CSNK1G2: variants seen among roughly 807,000 people sequenced by gnomAD.
CSNK1G2 encodes the protein casein kinase I isoform gamma-2.
Under a neutral mutation model 48.0 loss-of-function variants are expected in CSNK1G2, and 11 were observed. The ratio of observed to expected loss-of-function variants is 0.23; its 90% CI spans 0.14 to 0.38. CSNK1G2 has a LOEUF of 0.38. Among genes scored for constraint, CSNK1G2 ranks in the 10% least tolerant of loss-of-function variants. The probability of loss-of-function intolerance (pLI) is 1.00; values close to 1 mark genes in which losing one functional copy is unlikely to be tolerated. For synonymous variants in CSNK1G2, 337 were observed against 254.1 expected (o/e 1.33, Z -3.10); for missense variants, 446 against 595.5 (o/e 0.75, Z 2.61).
chr19:1,952,479 T>A (rs1043639481), intron 1 of CSNK1G2: 1 of 152,354 alleles, frequency 6.6e-6, no homozygotes, highest in African/African-American at 2.4e-5. Flanking sequence ...TCCGCCACCA[T>A]GCCCGGATAA....
intron 1 of CSNK1G2, among the ~76,000 whole-genome samples, chr19:1,966,185 A>G (rs1429139867): frequency 6.6e-6 from 1 of 152,122 alleles, no homozygotes; most frequent in East Asian, 1.9e-4. Context: ...GGAGCTGGGG[A>G]AATTGGGTAA....
At position 1,979,025 on chromosome 19, in the gene CSNK1G2, C is replaced by T. The variant is rs763492411; in HGVS notation, c.614C>T (p.Pro205Leu). The T allele has an allele frequency of 3.8e-6, 6 of 1,598,312 alleles. No homozygotes were observed. Among genetic ancestry groups the T allele is most frequent in the South Asian group, 1.1e-5 (1 of 91,066 alleles). The change falls in exon 6 of 12, where the codon CCG becomes CTG. Residue 205 changes from proline (P) to leucine (L), a missense_variant. Physicochemically the swap from Pro to Leu is moderately conservative, Grantham distance 98. This residue lies in a region of CSNK1G2 where 258 missense variants were observed against 415.9 expected (regional missense o/e 0.62). Coordinates refer to ENST00000255641, the MANE Select transcript of CSNK1G2 (RefSeq NM_001319.7). Reference protein sequence around the residue: ...YIDPETKKHIPYREHKSLTGT... With the variant: ...YIDPETKKHILYREHKSLTGT... ...GACCCCGAGACCAAGAAGCACATCC[C>T]GTACCGCGAGCACAAGAGCCTGACG... is the stretch of plus-strand genomic sequence containing the variant.
intron 1 of CSNK1G2, among the ~76,000 whole-genome samples, chr19:1,947,684 A>G (rs931360052): frequency 6.6e-5 from 10 of 152,198 alleles, no homozygotes; most frequent in African/African-American, 1.9e-4. Flanking sequence ...CAGGCCAGCC[A>G]GAGCCCTGGA....
At chr19:1,945,620 A>G (rs1441211988) in intron 1 of CSNK1G2, among the ~76,000 whole-genome samples, 3 of 152,230 alleles carry the variant, frequency 2.0e-5, no homozygotes, top group South Asian at 4.1e-4. Context: ...TCAGGAGTTC[A>G]AGACTAGTCT....
chr19:1,979,446 A>G (rs191965385), intron 8 of CSNK1G2, 43 bp downstream of exon 8: 2 of 381,558 alleles, frequency 5.2e-6, no homozygotes, highest in Non-Finnish European at 4.1e-6. Flanking sequence ...CCCACCCCCC[A>G]CCCCCCACCC....
chr19:1,978,154 G>T lies in CSNK1G2; in HGVS notation c.188-151G>T, dbSNP rs2015824769. ...AGGCCATGGTGCAGTGCTCTGGCAG[G>T]CTGGGCCCAGGCCCTGCTGCTGGGC... On this transcript the variant is annotated intron_variant, in intron 2 of 11. Coordinates refer to ENST00000255641, the MANE Select transcript of CSNK1G2 (RefSeq NM_001319.7). This position sits in a 1 kb window ranked among gnomAD's most constrained non-coding sequence, Gnocchi z 7.3. The T allele has an allele frequency of 2.5e-6, 2 of 790,660 alleles. No individual in the cohort carries two copies. The highest frequency in any genetic ancestry group is 3.8e-4 in the Middle Eastern group (1 of 2,666). 49.0% of individuals were successfully genotyped at this position (790,660 alleles called of 1,614,324 possible).
At position 1,976,255 on chromosome 19, in the gene CSNK1G2, C is replaced by A. The variant is rs189200033; in HGVS notation, c.188-2050C>A. The stretch of plus-strand genomic sequence containing the variant: ...CCATTTGTTCTGAAAACGCGGGGAC[C>A]AGCCCTGGTCCCCGGCTCAGGACTG... On this transcript the variant is annotated intron_variant, in intron 2 of 11. Coordinates refer to ENST00000255641, the MANE Select transcript of CSNK1G2 (RefSeq NM_001319.7). 3.2e-4 allele frequency: 154 copies of A among 485,486 alleles called. 1 individual carries two copies. The highest frequency in any genetic ancestry group is 2.2e-3 in the African/African-American group (106 of 48,946). 30.1% of individuals were successfully genotyped at this position (485,486 alleles called of 1,614,324 possible). A position where few individuals can be genotyped will look rare whatever the true frequency, so the allele number is the denominator to read the frequency against.
rs993686452 is a variant in CSNK1G2 at position 1,941,199 on chromosome 19, C to A, written c.-485C>A. 1 of 146,158 alleles carries A rather than the reference C, an allele frequency of 6.8e-6. No homozygotes were observed. Among genetic ancestry groups the A allele is most frequent in the Admixed American group, 6.8e-5 (1 of 14,684 alleles). The allele number at this position is 146,158 out of a possible 1,614,324, so 9.1% of individuals were successfully genotyped here. On this transcript the variant is annotated 5_prime_UTR_variant, in exon 1 of 12. Transcript: ENST00000255641. ...ACGCTGGCGGCGTAAGGCGCGCGGG[C>A]CCCGGAGCGGGCGCGGCGGAGCGCG...
chr19:1,948,775 G>A (rs565988561), intron 1 of CSNK1G2, among the ~76,000 whole-genome samples: 5 of 152,322 alleles, frequency 3.3e-5, no homozygotes, highest in African/African-American at 1.2e-4. Flanking sequence ...TAGCTTTCGA[G>A]TCCTCCAGAT....
Position 1,975,834 on chromosome 19 carries a change from G to A in CSNK1G2, c.188-2471G>A, listed in dbSNP as rs538965473. The A allele has an allele frequency of 2.0e-5, 18 of 918,760 alleles. No individual in the cohort carries two copies. In the East Asian group the frequency reaches 8.3e-4, roughly 42 times the overall value. 56.9% of individuals were successfully genotyped at this position (918,760 alleles called of 1,614,324 possible). A position where few individuals can be genotyped will look rare whatever the true frequency, so the allele number is the denominator to read the frequency against. ...GCGGATCACCTGACGTCAGGAGTTC[G>A]AGACCAGCCTGGACAACATGGAGAA... On this transcript the variant is annotated intron_variant, in intron 2 of 11. Transcript: ENST00000255641.
rs2015496392 is a variant in CSNK1G2 at position 1,969,619 on chromosome 19, C to T, written c.-154C>T. 1.6e-6 allele frequency: 1 copy of T among 617,676 alleles called. No individual in the cohort carries two copies. Among genetic ancestry groups the T allele is most frequent in the Admixed American group, 4.4e-5 (1 of 22,852 alleles). 38.3% of individuals were successfully genotyped at this position (617,676 alleles called of 1,614,324 possible). On this transcript the variant is annotated 5_prime_UTR_variant, in exon 2 of 12. Transcript: ENST00000255641. ...CAGCGCGGCCTGGCCGGCCCGAACG[C>T]CTGCGTCTCAGTAGCTGGGAGCCAC...
In CSNK1G2 at chr19:1,979,486, T is replaced by G; in HGVS notation, c.854-9T>G. On this transcript the variant is annotated splice_polypyrimidine_tract_variant and intron_variant, in intron 8 of 11. Transcript: ENST00000255641. ...CCCCGCCGAGGCCCCGCTGGCGCTC[T>G]CTCTGCAGAGGAGATGGCCACGTAC... The G allele has an allele frequency of 2.2e-6, 3 of 1,345,470 alleles. No individual in the cohort carries two copies. Among genetic ancestry groups the G allele is most frequent in the Non-Finnish European group, 2.9e-6 (3 of 1,023,702 alleles). The allele number at this position is 1,345,470 out of a possible 1,614,324, so 83.3% of individuals were successfully genotyped here. A position where few individuals can be genotyped will look rare whatever the true frequency, so the allele number is the denominator to read the frequency against.
chr19:1,969,663 C>T lies in CSNK1G2; in HGVS notation c.-110C>T, dbSNP rs959189607. 688 of 1,012,346 alleles carry T rather than the reference C, an allele frequency of 6.8e-4. No individual in the cohort carries two copies. The highest frequency in any genetic ancestry group is 6.0e-4 in the Non-Finnish European group (464 of 776,152). 62.7% of individuals were successfully genotyped at this position (1,012,346 alleles called of 1,614,324 possible). A position where few individuals can be genotyped will look rare whatever the true frequency, so the allele number is the denominator to read the frequency against. Reference sequence around the variant, plus strand: ...GAGCCACGGGCCCACGCCCGCCCACCGGCCGCAGTGATGTTCTAGCCACAG... The same window carrying T: ...GAGCCACGGGCCCACGCCCGCCCACTGGCCGCAGTGATGTTCTAGCCACAG... On this transcript the variant is annotated 5_prime_UTR_variant, in exon 2 of 12. Coordinates refer to ENST00000255641, the MANE Select transcript of CSNK1G2 (RefSeq NM_001319.7).
chr19:1,975,332 G>T lies in CSNK1G2; in HGVS notation c.188-2973G>T, dbSNP rs372393548. On this transcript the variant is annotated intron_variant, in intron 2 of 11. Coordinates refer to ENST00000255641, the MANE Select transcript of CSNK1G2 (RefSeq NM_001319.7). ...GAGGGCTTGTCCTCCTCAGCCTGGGGGAGCGCAGCTCAGTGCTTGGTGGTC... is the reference window on the plus strand; with the variant it reads ...GAGGGCTTGTCCTCCTCAGCCTGGGTGAGCGCAGCTCAGTGCTTGGTGGTC... 1.8e-5 allele frequency: 18 copies of T among 985,506 alleles called. No individual in the cohort carries two copies. The East Asian group carries it at 4.5e-4, about 25-fold the overall frequency. 61.0% of individuals were successfully genotyped at this position (985,506 alleles called of 1,614,324 possible).
At chr19:1,972,267 A>T (rs572286650) in intron 2 of CSNK1G2, among the ~76,000 whole-genome samples, 2 of 152,196 alleles carry the variant, frequency 1.3e-5, no homozygotes, top group Non-Finnish European at 2.9e-5. Flanking sequence ...GGCCCTTCTG[A>T]ATAGAACTAA....
intron 2 of CSNK1G2, among the ~76,000 whole-genome samples, chr19:1,976,274 A>G (rs1308836035): frequency 6.6e-6 from 1 of 152,066 alleles, no homozygotes; most frequent in African/African-American, 2.4e-5. Context: ...TCCCCGGCTC[A>G]GGACTGGAGG....
chr19:1,979,273 G>T, intron 7 of CSNK1G2, 25 bp downstream of exon 7: 1 of 1,566,614 alleles, frequency 6.4e-7, no homozygotes, highest in African/African-American at 1.4e-5. Flanking sequence ...CGGGCAGGCG[G>T]GCGGGGACGC....
At chr19:1,945,667 C>A (rs1219691382) in intron 1 of CSNK1G2, among the ~76,000 whole-genome samples, 3 of 152,116 alleles carry the variant, frequency 2.0e-5, no homozygotes, top group Non-Finnish European at 4.4e-5. Flanking sequence ...ACTAAAAATA[C>A]AAAAATTAGC....
intron 1 of CSNK1G2, among the ~76,000 whole-genome samples, chr19:1,950,784 G>A (rs961313107): frequency 6.8e-6 from 1 of 146,338 alleles, no homozygotes; most frequent in East Asian, 2.1e-4. Context: ...GGACCTGGCC[G>A]CTGGAAGGGA....
Sources: allele counts gnomAD v4.1 joint callset (sites outside exome capture counted in the v4.1 genomes callset), GRCh38; gene constraint gnomAD v4.1.1; regional missense constraint gnomAD v4.1.1; non-coding constraint Gnocchi (gnomAD v3.1); transcripts MANE v1.5; gene names NCBI Gene and HGNC (gene_info 2026-07-23, HGNC 2026-07-21).